Variants in KLC2 observed in about 807,000 individuals in gnomAD.
KLC2 encodes kinesin light chain 2, also known as KLC 2.
A neutral mutation model predicts 75.1 loss-of-function variants in KLC2; 35 were observed. That is an observed-to-expected ratio of 0.47 (90% CI 0.36 to 0.62). KLC2 has a LOEUF of 0.62. Ranked by LOEUF, KLC2 falls within the 20% of genes least tolerant of loss-of-function variation. The pLI, the probability that KLC2 is intolerant of heterozygous loss-of-function variation, is 0.00. For missense variants in KLC2, 611 were observed against 833.2 expected, an observed-to-expected ratio of 0.73 and a Z score of 3.28; for synonymous variants, 314 against 336.7, an observed-to-expected ratio of 0.93 and a Z score of 0.74.
Position 66,264,279 on chromosome 11 carries a change from GGAA to G in KLC2, c.1117-61_1117-59del, listed in dbSNP as rs1345510060. 34 of 1,567,388 alleles carry G rather than the reference GGAA, an allele frequency of 2.2e-5. No homozygotes were observed. In the East Asian group the frequency reaches 3.0e-4, roughly 14 times the overall value. ...AGGAGGGAGGCAGGGATGAGGTTGG[GGAA>G]GAAGGAGAGAAAAAGGCTTGGCTGC... On this transcript the variant is annotated intron_variant, in intron 8 of 15. Coordinates refer to ENST00000394067, the MANE Select transcript of KLC2 (RefSeq NM_001318734.2).
chr11:66,267,241 C>G lies in KLC2; in HGVS notation c.*285C>G. 2 of 1,476,158 alleles carry G rather than the reference C, an allele frequency of 1.4e-6. No homozygotes were observed. The highest frequency in any genetic ancestry group is 1.9e-6 in the Non-Finnish European group (2 of 1,079,092). The allele number at this position is 1,476,158 out of a possible 1,614,324, so 91.4% of individuals were successfully genotyped here. On this transcript the variant is annotated 3_prime_UTR_variant, in exon 16 of 16. Coordinates refer to ENST00000394067, the MANE Select transcript of KLC2 (RefSeq NM_001318734.2). ...GAGTCTCCACCATAGACTCAGTGGC[C>G]TGGCCTCCCCAGACCCCAGAGCCAA...
intron 9 of KLC2, 37 bp downstream of exon 9, chr11:66,264,481 A>G: frequency 7.0e-7 from 1 of 1,437,722 alleles, no homozygotes; most frequent in Non-Finnish European, 9.8e-7. Flanking sequence ...TAGCCCATCC[A>G]TCCCAGGCCC....
chr11:66,260,745 C>T (rs148437476), intron 2 of KLC2, among the ~76,000 whole-genome samples: 6,830 of 151,990 alleles, frequency 0.045, 209 homozygotes, highest in Middle Eastern at 0.12. Flanking sequence ...TACAGGCACG[C>T]GCCACCACAC....
the KLC2 span, among the ~76,000 whole-genome samples, chr11:66,249,698 G>A: frequency 2.6e-5 from 4 of 152,024 alleles, no homozygotes; most frequent in Non-Finnish European, 5.9e-5. Flanking sequence ...CACTTATGTT[G>A]CGACCTGAAC....
the KLC2 span, among the ~76,000 whole-genome samples, chr11:66,248,436 G>A: frequency 6.6e-6 from 1 of 152,076 alleles, no homozygotes. Flanking sequence ...CCTAGCCAAT[G>A]TGGTGAAACC....
chr11:66,260,639 C>T (rs1856333367), intron 2 of KLC2, among the ~76,000 whole-genome samples: 1 of 152,006 alleles, frequency 6.6e-6, no homozygotes, highest in African/African-American at 2.4e-5. Context: ...CTCTGTTGCC[C>T]AGGCTGGAGT....
chr11:66,256,029 G>C (rs1223591173), upstream of KLC2, among the ~76,000 whole-genome samples: 1 of 152,032 alleles, frequency 6.6e-6, no homozygotes, highest in African/African-American at 2.4e-5. Context: ...GCCTCCCAAA[G>C]TGTTGGGATT....
Position 66,267,239 on chromosome 11 carries a change from G to T in KLC2, c.*283G>T, listed in dbSNP as rs2134847202. On this transcript the variant is annotated 3_prime_UTR_variant, in exon 16 of 16. Coordinates refer to ENST00000394067, the MANE Select transcript of KLC2 (RefSeq NM_001318734.2). ...TGGAGTCTCCACCATAGACTCAGTGGCCTGGCCTCCCCAGACCCCAGAGCC... is the reference window on the plus strand; with the variant it reads ...TGGAGTCTCCACCATAGACTCAGTGTCCTGGCCTCCCCAGACCCCAGAGCC... The T allele has an allele frequency of 6.7e-7, 1 of 1,488,390 alleles. No individual in the cohort carries two copies. Among genetic ancestry groups the T allele is most frequent in the East Asian group, 2.5e-5 (1 of 40,612 alleles). 92.2% of individuals were successfully genotyped at this position (1,488,390 alleles called of 1,614,324 possible). A position where few individuals can be genotyped will look rare whatever the true frequency, so the allele number is the denominator to read the frequency against.
chr11:66,260,417 A>G (rs1565168902), intron 2 of KLC2, among the ~76,000 whole-genome samples: 2 of 152,178 alleles, frequency 1.3e-5, no homozygotes, highest in Non-Finnish European at 2.9e-5. Flanking sequence ...AAGCTGGAGC[A>G]AAGTGGGAGG....
intron 1 of KLC2, chr11:66,258,309 C>A: frequency 2.1e-6 from 1 of 475,800 alleles, no homozygotes; most frequent in Non-Finnish European, 3.8e-6. Flanking sequence ...AGGGGGTCCC[C>A]GGGGAAACCC....
chr11:66,262,226 A>G, intron 4 of KLC2, 34 bp downstream of exon 4: 1 of 1,576,726 alleles, frequency 6.3e-7, no homozygotes, highest in East Asian at 2.2e-5. Flanking sequence ...GGGGGAAGGA[A>G]AGGTTGTGTG....
the KLC2 span, among the ~76,000 whole-genome samples, chr11:66,247,515 G>T: frequency 5.7e-4 from 86 of 152,174 alleles, no homozygotes; most frequent in Non-Finnish European, 1.1e-3. Flanking sequence ...CCTTTGCACG[G>T]ACCTTTGGTC....
At chr11:66,260,086 G>A (rs1427522733) in intron 2 of KLC2, among the ~76,000 whole-genome samples, 1 of 152,144 alleles carries the variant, frequency 6.6e-6, no homozygotes, top group African/African-American at 2.4e-5. Flanking sequence ...GAACCCTGGG[G>A]AAGTTGTATC....
chr11:66,254,187 G>A (rs1447268439), upstream of KLC2, among the ~76,000 whole-genome samples: 4 of 152,050 alleles, frequency 2.6e-5, no homozygotes, highest in African/African-American at 4.8e-5. Context: ...GCACCACTGC[G>A]CTCCTGCCTG....
intron 2 of KLC2, chr11:66,259,828 T>A (rs900021187): frequency 6.6e-6 from 1 of 152,080 alleles, no homozygotes; most frequent in Non-Finnish European, 1.5e-5. Context: ...GTTCTGGAGG[T>A]AGGTCCAGCA....
chr11:66,252,247 G>A, the KLC2 span, among the ~76,000 whole-genome samples: 1 of 152,212 alleles, frequency 6.6e-6, no homozygotes, highest in Non-Finnish European at 1.5e-5. Context: ...TGTCTGTTAT[G>A]TACAAGGCCT....
chr11:66,262,109 G>T lies in KLC2; in HGVS notation c.460-14G>T. 6.2e-7 allele frequency: 1 copy of T among 1,612,826 alleles called. No homozygotes were observed. Among genetic ancestry groups the T allele is most frequent in the Non-Finnish European group, 8.5e-7 (1 of 1,179,424 alleles). On this transcript the variant is annotated splice_polypyrimidine_tract_variant and intron_variant, in intron 3 of 15. Coordinates refer to ENST00000394067, the MANE Select transcript of KLC2 (RefSeq NM_001318734.2). ...TGCCTCCTTCCCTGATGCTCATCCT[G>T]TCTTCCTTCCCAGGAGGAGAAGGGG...
chr11:66,262,251 G>A, intron 4 of KLC2, 59 bp downstream of exon 4: 4 of 1,334,778 alleles, frequency 3.0e-6, no homozygotes, highest in Non-Finnish European at 4.3e-6. Context: ...CTTGGTCCTT[G>A]GGACCGAGTG....
At chr11:66,263,204 G>A in intron 5 of KLC2, 168 bp downstream of exon 5, 1 of 607,986 alleles carries the variant, frequency 1.6e-6, no homozygotes, top group South Asian at 2.0e-5. Flanking sequence ...CAGAACTGGG[G>A]AGGGACTGCA....
Sources: gnomAD v4.1 joint callset for allele counts (sites outside exome capture counted in the v4.1 genomes callset) on GRCh38, gnomAD v4.1.1 for gene constraint, MANE v1.5 for transcripts, NCBI Gene and HGNC (gene_info 2026-07-23, HGNC 2026-07-21) for gene names.